The following FAAH2 variants were observed in gnomAD, a reference collection of about 807,000 sequenced individuals.
FAAH2 encodes fatty-acid amide hydrolase 2.
A neutral mutation model predicts 36.9 loss-of-function variants in FAAH2; 60 were observed. The observed-to-expected ratio is 1.63, with a 90% CI of 1.32 to 2.02. FAAH2 has a LOEUF of 2.02. Ranked by LOEUF, FAAH2 falls within the 30% of genes most tolerant of loss-of-function variation. FAAH2 has a pLI of 0.00. For missense variants in FAAH2, 689 were observed against 397.5 expected (o/e 1.73, Z -6.23); for synonymous variants, 214 against 143.8 (o/e 1.49, Z -3.49).
intron 5 of FAAH2, among the ~76,000 whole-genome samples, chrX:57,371,313 T>G (rs1428395428): frequency 9.0e-6 from 1 of 111,728 alleles, no homozygotes; most frequent in Non-Finnish European, 1.9e-5. Context: ...GTGTACACAA[T>G]GTTTAGCTCC....
At chrX:57,378,534 T>G in intron 5 of FAAH2, 117 bp from the exon 6 acceptor site, 1 of 936,488 alleles carries the variant, frequency 1.1e-6, no homozygotes, top group Non-Finnish European at 1.5e-6. Context: ...TAAGAAGACC[T>G]GAAAAGTTTT....
chrX:57,437,550 A>C (rs1187146504), intron 8 of FAAH2, among the ~76,000 whole-genome samples: 1 of 109,460 alleles, frequency 9.1e-6, no homozygotes, highest in Middle Eastern at 4.7e-3. Flanking sequence ...TACAAAATAC[A>C]TGTATAAAAA....
At chrX:57,455,006 C>T (rs1401793321) in intron 10 of FAAH2, among the ~76,000 whole-genome samples, 1 of 111,287 alleles carries the variant, frequency 9.0e-6, no homozygotes, top group African/African-American at 3.3e-5. Flanking sequence ...TCATCAGATT[C>T]ACCAAGATCA....
intron 2 of FAAH2, among the ~76,000 whole-genome samples, chrX:57,298,769 G>A (rs1244194589): frequency 1.2e-5 from 1 of 81,206 alleles, no homozygotes; most frequent in Admixed American, 1.5e-4. Context: ...AATGACAAAG[G>A]GCATGTCACC....
chrX:57,288,338 C>CT (rs771871081), intron 1 of FAAH2, among the ~76,000 whole-genome samples: 505 of 40,338 alleles, frequency 0.013, 67 homozygotes, highest in East Asian at 0.02. Context: ...AAAAACATTT[C>CT]TTTTTTTTTT....
intron 10 of FAAH2, among the ~76,000 whole-genome samples, chrX:57,476,949 T>C (rs1470355990): frequency 9.0e-6 from 1 of 111,169 alleles, no homozygotes; most frequent in Non-Finnish European, 1.9e-5. Context: ...TGTCCAGGAA[T>C]TTATCCATTT....
chrX:57,242,530 G>T, the FAAH2 span, among the ~76,000 whole-genome samples: 2 of 112,005 alleles, frequency 1.8e-5, no homozygotes, highest in African/African-American at 3.2e-5. Flanking sequence ...CAAAAGGAGG[G>T]TGATTTCTGC....
chrX:57,356,076 A>G lies in FAAH2; in HGVS notation c.742+14686A>G, dbSNP rs1338857522. Among the ~76,000 whole-genome samples the G allele has an allele frequency of 3.6e-5, 4 of 111,161 alleles. No homozygotes were observed. The East Asian group carries it at 1.1e-3, about 31-fold the overall frequency. Reference sequence around the variant, plus strand: ...CTCTTAATTTTATTAATGTGGATTAATACATTGATTTTCATATTTAGGACA... The same window carrying G: ...CTCTTAATTTTATTAATGTGGATTAGTACATTGATTTTCATATTTAGGACA... On this transcript the variant is annotated intron_variant, in intron 5 of 10. Transcript: ENST00000374900.
chrX:57,457,086 A>G (rs1261230949), intron 10 of FAAH2, among the ~76,000 whole-genome samples: 1 of 112,177 alleles, frequency 8.9e-6, no homozygotes, highest in Non-Finnish European at 1.9e-5. Context: ...CAGCATATCA[A>G]AAAGTTAATC....
chrX:57,263,843 G>A, the FAAH2 span, among the ~76,000 whole-genome samples: 92 of 111,550 alleles, frequency 8.2e-4, no homozygotes, highest in African/African-American at 2.8e-3. Flanking sequence ...TTGGAGGAAG[G>A]ACAGAAACAT....
At chrX:57,414,102 G>A (rs1398120581) in intron 7 of FAAH2, among the ~76,000 whole-genome samples, 4 of 112,054 alleles carry the variant, frequency 3.6e-5, no homozygotes, top group Non-Finnish European at 7.5e-5. Flanking sequence ...AGCTTATGGA[G>A]ATTTTGGGTT....
chrX:57,407,893 T>A (rs1026351325), intron 7 of FAAH2, among the ~76,000 whole-genome samples: 1 of 112,317 alleles, frequency 8.9e-6, no homozygotes, highest in Admixed American at 9.4e-5. Context: ...ATAAAATAAC[T>A]TATTGAAGAG....
chrX:57,344,541 T>C (rs1014700247), intron 5 of FAAH2, among the ~76,000 whole-genome samples: 2 of 111,573 alleles, frequency 1.8e-5, no homozygotes, highest in African/African-American at 3.3e-5. Flanking sequence ...CAGAGAGAGA[T>C]TGACTTTGTC....
At chrX:57,364,832 G>A (rs1470897042) in intron 5 of FAAH2, among the ~76,000 whole-genome samples, 2 of 111,243 alleles carry the variant, frequency 1.8e-5, no homozygotes, top group Non-Finnish European at 3.8e-5. Flanking sequence ...TCAGGAGCAT[G>A]TTGCTTAATT....
intron 5 of FAAH2, among the ~76,000 whole-genome samples, chrX:57,375,244 T>C (rs745490407): frequency 4.0e-4 from 44 of 110,336 alleles, no homozygotes; most frequent in Non-Finnish European, 6.1e-4. Context: ...CACAGAATGA[T>C]TTAGAGAGGA....
At chrX:57,474,716 A>G (rs1381754358) in intron 10 of FAAH2, among the ~76,000 whole-genome samples, 1 of 112,226 alleles carries the variant, frequency 8.9e-6, no homozygotes, top group Non-Finnish European at 1.9e-5. Context: ...TCCTTCAGGT[A>G]TATATGCAGT....
intron 10 of FAAH2, among the ~76,000 whole-genome samples, chrX:57,465,951 C>T (rs984770736): frequency 2.7e-5 from 3 of 109,211 alleles, no homozygotes; most frequent in African/African-American, 1.0e-4. Flanking sequence ...TGACACTCAA[C>T]CATAACTGAA....
In FAAH2 at chrX:57,432,048, C is replaced by T. The variant is rs187684593; in HGVS notation, c.1116+11C>T. 830 of 1,181,227 alleles carry T rather than the reference C, an allele frequency of 7.0e-4. 4 individuals are homozygous for T. In the African/African-American group the frequency reaches 0.013, roughly 19 times the overall value. On this transcript the variant is annotated intron_variant, in intron 8 of 10. Transcript: ENST00000374900. ...GGACATGATGGGAAGGTATTTTTAC[C>T]TCTTTCTTTACTTACTTTTTTCTTT...
At chrX:57,147,175 G>T in the FAAH2 span, among the ~76,000 whole-genome samples, 1 of 111,631 alleles carries the variant, frequency 9.0e-6, no homozygotes, top group Admixed American at 9.5e-5. Flanking sequence ...ATTCAGCTGT[G>T]AATTTGTCCC....
Sources: allele counts gnomAD v4.1 joint callset (sites outside exome capture counted in the v4.1 genomes callset), GRCh38; gene constraint gnomAD v4.1.1; transcripts MANE v1.5; gene names NCBI Gene and HGNC (gene_info 2026-07-23, HGNC 2026-07-21).